ZNF44: variants seen among roughly 807,000 people sequenced by gnomAD.
The protein encoded by ZNF44 is zinc finger protein 44.
In ZNF44, 9 loss-of-function variants were observed where a neutral mutation model predicts 11.7. That is an observed-to-expected ratio of 0.77 (90% confidence interval 0.46 to 1.35). The LOEUF (loss-of-function observed/expected upper bound fraction) is 1.35, where lower values mean the gene tolerates loss of function less well. Ranked by LOEUF, ZNF44 falls within the 40% of genes most tolerant of loss-of-function variation. The pLI, the probability that ZNF44 is intolerant of heterozygous loss-of-function variation, is 0.00. For synonymous variants in ZNF44, 224 were observed against 242.7 expected (o/e 0.92, Z 0.72); for missense variants, 696 against 743.1 (o/e 0.94, Z 0.74).
chr19:12,268,383 A>T (rs908372787), downstream of ZNF44, among the ~76,000 whole-genome samples: 8 of 152,130 alleles, frequency 5.3e-5, no homozygotes, highest in East Asian at 1.2e-3. Context: ...CATTTGTAGA[A>T]AATCAACAGA....
chr19:12,258,327 G>T (rs1917352677), intron 5 of ZNF44, among the ~76,000 whole-genome samples: 1 of 77,980 alleles, frequency 1.3e-5, no homozygotes, highest in Admixed American at 2.1e-4. Flanking sequence ...GTGAGATCTT[G>T]TCTCAAAAAA....
chr19:12,294,355 C>T (rs1020637980), intron 1 of ZNF44, among the ~76,000 whole-genome samples: 2 of 152,258 alleles, frequency 1.3e-5, no homozygotes, highest in African/African-American at 4.8e-5. Context: ...CTGCAGCCCT[C>T]GGCGTCCGGG....
chr19:12,273,604 T>A lies in ZNF44; in HGVS notation c.651A>T (p.Arg217Ser), dbSNP rs371524649. 1.6e-5 allele frequency: 26 copies of A among 1,614,056 alleles called. No individual in the cohort carries two copies. Among genetic ancestry groups the A allele is most frequent in the Non-Finnish European group, 2.2e-5 (26 of 1,180,028 alleles). ...CATATGGTTTCTCTCCAGTGTGAGT[T>A]CTTTCATGCATACGTAATAAACTGG... ...FWPSLLRMHE[R>S]THTGEKPYEC... Residue 217 changes from arginine (R) to serine (S), a missense_variant, in exon 4 of 4, where the codon AGA (arginine) becomes AGT (serine). Arg to Ser is a moderately radical substitution (Grantham distance 110). Coordinates refer to ENST00000355684, the MANE Select transcript of ZNF44 (RefSeq NM_016264.4).
intron 1 of ZNF44, among the ~76,000 whole-genome samples, chr19:12,288,272 A>C (rs1967845713): frequency 6.6e-6 from 1 of 152,164 alleles, no homozygotes; most frequent in South Asian, 2.1e-4. Context: ...CAAGTTGCTT[A>C]AGGTTATCAG....
At chr19:12,254,473 C>G (rs1022557061) in intron 5 of ZNF44, among the ~76,000 whole-genome samples, 11 of 152,332 alleles carry the variant, frequency 7.2e-5, no homozygotes, top group African/African-American at 2.6e-4. Context: ...GTGGCTCACA[C>G]GTGCAATCCC....
intron 7 of ZNF44, chr19:12,248,696 C>T: frequency 8.3e-7 from 1 of 1,203,522 alleles, no homozygotes; most frequent in South Asian, 1.4e-5. Flanking sequence ...AAATGAGTAG[C>T]ACATTAATAG....
chr19:12,257,750 G>A (rs1254711084), intron 5 of ZNF44, among the ~76,000 whole-genome samples: 1 of 147,352 alleles, frequency 6.8e-6, no homozygotes, highest in Non-Finnish European at 1.5e-5. Flanking sequence ...GCAGTGAGCC[G>A]AGATCGCGCC....
At chr19:12,263,924 CA>C (rs796313617) in intron 5 of ZNF44, among the ~76,000 whole-genome samples, 27,777 of 105,280 alleles carry the variant, frequency 0.26, 2,627 homozygotes, top group East Asian at 0.38. Flanking sequence ...GACTCCGTCT[CA>C]AAAAAAAAAA....
At chr19:12,254,925 A>G (rs1253074216) in intron 5 of ZNF44, among the ~76,000 whole-genome samples, 1 of 151,778 alleles carries the variant, frequency 6.6e-6, no homozygotes, top group Non-Finnish European at 1.5e-5. Flanking sequence ...CATCTTTACT[A>G]AAAATACAAA....
downstream of ZNF44, among the ~76,000 whole-genome samples, chr19:12,269,676 T>C (rs1230623063): frequency 6.6e-6 from 1 of 152,220 alleles, no homozygotes; most frequent in Non-Finnish European, 1.5e-5. Flanking sequence ...TAGTTATAAA[T>C]GTTATAACAT....
At position 12,275,042 on chromosome 19, in the gene ZNF44, G is replaced by A; in HGVS notation, c.131-9C>T. ...GTTTTCCCATTTCATTCCTAAAAGA[G>A]AGATCCAGAAAATTCACTATAAATT... On this transcript the variant is annotated splice_polypyrimidine_tract_variant and intron_variant, in intron 2 of 3. Transcript: ENST00000355684. 6.4e-7 allele frequency: 1 copy of A among 1,564,510 alleles called. No homozygotes were observed. Among genetic ancestry groups the A allele is most frequent in the Non-Finnish European group, 8.6e-7 (1 of 1,157,618 alleles).
chr19:12,281,944 C>A (rs867862015), intron 1 of ZNF44, among the ~76,000 whole-genome samples: 3 of 152,154 alleles, frequency 2.0e-5, no homozygotes, highest in Non-Finnish European at 2.9e-5. Context: ...TGAATTCTGG[C>A]AAGCGTTTAT....
intron 1 of ZNF44, among the ~76,000 whole-genome samples, chr19:12,286,117 T>G (rs1426970855): frequency 6.6e-6 from 1 of 152,194 alleles, no homozygotes; most frequent in Non-Finnish European, 1.5e-5. Context: ...TCAAACAGAT[T>G]GAGGCAAATA....
At chr19:12,266,069 C>T (rs915189177) in intron 5 of ZNF44, among the ~76,000 whole-genome samples, 3 of 152,160 alleles carry the variant, frequency 2.0e-5, no homozygotes, top group Non-Finnish European at 4.4e-5. Context: ...GAAGTCACCA[C>T]GCAGGGACAG....
downstream of ZNF44, among the ~76,000 whole-genome samples, chr19:12,271,263 G>A (rs533745617): frequency 4.5e-4 from 68 of 152,204 alleles, no homozygotes; most frequent in African/African-American, 8.7e-4. Flanking sequence ...TGAACACTAA[G>A]GTTTTTTTAG....
intron 1 of ZNF44, among the ~76,000 whole-genome samples, chr19:12,285,514 A>G (rs1599544638): frequency 6.6e-6 from 1 of 152,164 alleles, no homozygotes; most frequent in African/African-American, 2.4e-5. Flanking sequence ...AAGGCTTCCC[A>G]AAGTGCTGGG....
chr19:12,272,839 T>C lies in ZNF44; in HGVS notation c.1416A>G (p.Glu472=), dbSNP rs181219873. 6.8e-6 allele frequency: 11 copies of C among 1,614,076 alleles called. No individual in the cohort carries two copies. The highest frequency in any genetic ancestry group is 3.4e-6 in the Non-Finnish European group (4 of 1,179,940). ...SFQSHETTHS[E]EEPYECKECG... ...ACTCCTTACATTCATAAGGCTCCTC[T>C]TCACTGTGTGTTGTTTCATGACTTT... Residue 472 remains glutamate, a synonymous_variant, in exon 4 of 4, where the codon GAA becomes GAG. Transcript: ENST00000355684.
chr19:12,242,651 T>G (rs1334681014), downstream of ZNF44: 2 of 117,640 alleles, frequency 1.7e-5, no homozygotes. Flanking sequence ...ACCTATATAG[T>G]AAGACCTTGT....
chr19:12,294,057 GC>G (rs1008863256), intron 1 of ZNF44, among the ~76,000 whole-genome samples: 6 of 59,472 alleles, frequency 1.0e-4, no homozygotes, highest in Admixed American at 1.8e-4. Flanking sequence ...TTCCCCATTG[GC>G]CTGGGGATAA....
Sources: gnomAD v4.1 joint callset for allele counts (sites outside exome capture counted in the v4.1 genomes callset) on GRCh38, gnomAD v4.1.1 for gene constraint, MANE v1.5 for transcripts, NCBI Gene and HGNC (gene_info 2026-07-23, HGNC 2026-07-21) for gene names.